PLEKHG4B: variants seen among roughly 807,000 people sequenced by gnomAD.
The protein encoded by PLEKHG4B is pleckstrin homology domain-containing family G member 4B.
PLEKHG4B carries 111 observed loss-of-function variants against 121.3 expected under a neutral mutation model. The ratio of observed to expected loss-of-function variants is 0.92; its 90% CI spans 0.78 to 1.07. PLEKHG4B has a LOEUF of 1.07. PLEKHG4B is among the 50% of genes least tolerant of loss of function. PLEKHG4B has a pLI of 0.00. For missense variants in PLEKHG4B, 1,831 were observed against 1,757.8 expected, an observed-to-expected ratio of 1.04 and a Z score of -0.74; for synonymous variants, 738 against 725.0, an observed-to-expected ratio of 1.02 and a Z score of -0.29.
chr5:175,649 G>A (rs1385744009), intron 18 of PLEKHG4B, among the ~76,000 whole-genome samples: 5 of 82,294 alleles, frequency 6.1e-5, no homozygotes, highest in Non-Finnish European at 9.6e-5. Context: ...GCTCCTGCAC[G>A]GCTGCACCCC....
At chr5:158,239 TC>T (rs1364738737) in intron 11 of PLEKHG4B, among the ~76,000 whole-genome samples, 1 of 60,116 alleles carries the variant, frequency 1.7e-5, no homozygotes, top group African/African-American at 6.6e-5. Flanking sequence ...CTTCCCCTCC[TC>T]CCCCTGCCCA....
rs1480212272 is a variant in PLEKHG4B at position 92,194 on chromosome 5, C to T, written c.-38C>T. On this transcript the variant is annotated 5_prime_UTR_variant, in exon 1 of 20. Transcript: ENST00000637938. The stretch of plus-strand genomic sequence containing the variant: ...GTGCACAGCGGGACCAGGCAGAGTT[C>T]GGGGAAAGCGTCGGAGTTCGGGAGA... The T allele has an allele frequency of 2.5e-5, 9 of 364,758 alleles. No individual in the cohort carries two copies. The highest frequency in any genetic ancestry group is 4.4e-5 in the Non-Finnish European group (9 of 205,614). The allele number at this position is 364,758 out of a possible 1,614,324, so 22.6% of individuals were successfully genotyped here. A position where few individuals can be genotyped will look rare whatever the true frequency, so the allele number is the denominator to read the frequency against.
In PLEKHG4B at chr5:96,499, AAAG is replaced by A. The variant is rs1337467895; in HGVS notation, c.45+4227_45+4229del. On this transcript the variant is annotated intron_variant, in intron 1 of 19. Transcript: ENST00000637938. ...TAGCAAAACAATCATGTAATATTTT[AAAG>A]AAGTGTTTTGTAGAAGTGCCCAAAT... Among the ~76,000 whole-genome samples the A allele has an allele frequency of 9.8e-5, 15 of 152,382 alleles. No homozygotes were observed. The East Asian group carries it at 2.9e-3, about 29-fold the overall frequency.
Position 140,696 on chromosome 5 carries a change from C to G in PLEKHG4B, c.1457C>G (p.Pro486Arg). 6.3e-7 allele frequency: 1 copy of G among 1,578,436 alleles called. No homozygotes were observed. The highest frequency in any genetic ancestry group is 8.6e-7 in the Non-Finnish European group (1 of 1,162,472). Reference protein sequence around the residue: ...GTPNCVPVEGPGCTKEEDVLA... With the variant: ...GTPNCVPVEGRGCTKEEDVLA... Reference sequence around the variant, plus strand: ...CCAAACTGTGTCCCAGTAGAGGGTCCCGGCTGCACCAAAGAGGAAGGTAAA... The same window carrying G: ...CCAAACTGTGTCCCAGTAGAGGGTCGCGGCTGCACCAAAGAGGAAGGTAAA... The change falls in exon 3 of 20, where the codon CCC (proline) becomes CGC (arginine). Residue 486 changes from proline to arginine, a missense_variant. Coordinates refer to ENST00000637938, the MANE Select transcript of PLEKHG4B (RefSeq NM_052909.5).
chr5:154,871 G>A lies in PLEKHG4B; in HGVS notation c.1993-4G>A, dbSNP rs749784860. ...CATGACCAACGAGTGCCTCTTCTTG[G>A]CAGTGTGAGGTCGTGAGCTCCCTGA... On this transcript the variant is annotated splice_region_variant and splice_polypyrimidine_tract_variant and intron_variant, in intron 7 of 19. Transcript: ENST00000637938. 1 of 1,612,286 alleles carries A rather than the reference G, an allele frequency of 6.2e-7. No individual in the cohort carries two copies. Among genetic ancestry groups the A allele is most frequent in the Non-Finnish European group, 8.5e-7 (1 of 1,178,756 alleles).
In PLEKHG4B at chr5:163,173, G is replaced by A. The variant is rs1736096605; in HGVS notation, c.3101G>A (p.Trp1034Ter). 1.3e-6 allele frequency: 2 copies of A among 1,571,916 alleles called. No individual in the cohort carries two copies. Among genetic ancestry groups the A allele is most frequent in the African/African-American group, 1.4e-5 (1 of 73,808 alleles). The part of the protein sequence containing the change: ...ETLRPGLCAL[W>*]DPLSLLRGLP... ...CTGCGCCCAGGGCTGTGTGCTCTGT[G>A]GGACCCACTGTCCCTCCTCAGGGGC... Residue 1034 changes from tryptophan (W) to a stop codon, truncating the protein, a stop_gained, in exon 13 of 20, where the codon TGG becomes TAG. Transcript: ENST00000637938. LOFTEE classifies it high-confidence loss of function.
intron 1 of PLEKHG4B, among the ~76,000 whole-genome samples, chr5:104,014 G>A (rs553833456): frequency 1.3e-4 from 19 of 144,138 alleles, no homozygotes; most frequent in Admixed American, 3.4e-4. Flanking sequence ...TCCCAGCACC[G>A]ATATTCCTAA....
chr5:114,725 C>G (rs556581181), intron 2 of PLEKHG4B, among the ~76,000 whole-genome samples: 1 of 152,278 alleles, frequency 6.6e-6, no homozygotes, highest in South Asian at 2.1e-4. Flanking sequence ...CCAACAGATT[C>G]CATCTTAATA....
intron 1 of PLEKHG4B, among the ~76,000 whole-genome samples, chr5:98,603 T>TTGTG (rs35724214): frequency 0.063 from 6,986 of 111,472 alleles, 372 homozygotes; most frequent in African/African-American, 0.13. Context: ...CCTGGCTAAT[T>TTGTG]TGTGTGTGTG....
At chr5:105,434 G>A (rs997940606) in intron 1 of PLEKHG4B, among the ~76,000 whole-genome samples, 20 of 152,298 alleles carry the variant, frequency 1.3e-4, no homozygotes, top group African/African-American at 4.1e-4. Flanking sequence ...GATGATTTAC[G>A]TGGAATCTGC....
rs375290528 is a variant in PLEKHG4B at position 124,366 on chromosome 5, A to AGT, written c.243+10921_243+10922dup. ...GCAGAATAATGACACTGCTGGCTAG[A>AGT]GTGTTCTGCATATGTCTGTTAGATG... is the stretch of plus-strand genomic sequence containing the variant. On this transcript the variant is annotated intron_variant, in intron 2 of 19. Coordinates refer to ENST00000637938, the MANE Select transcript of PLEKHG4B (RefSeq NM_052909.5). Among the ~76,000 whole-genome samples the AGT allele has an allele frequency of 2.1e-3, 327 of 152,316 alleles. 2 individuals are homozygous for AGT. The highest frequency in any genetic ancestry group is 7.3e-3 in the African/African-American group (305 of 41,576).
At chr5:155,539 A>T in intron 9 of PLEKHG4B, 96 bp downstream of exon 9, 1 of 934,744 alleles carries the variant, frequency 1.1e-6, no homozygotes, top group South Asian at 1.3e-5. Flanking sequence ...TTGGTTCACT[A>T]TCATCTGTAG....
In PLEKHG4B at chr5:181,992, G is replaced by T. The variant is rs763647375; in HGVS notation, c.4565-12G>T. On this transcript the variant is annotated splice_polypyrimidine_tract_variant and intron_variant, in intron 19 of 19. Transcript: ENST00000637938. ...CGGAAGCCAGCCTGACGTGCTTTCT[G>T]TCCCTTTCCAGAGTCACAAATGAGA... is the stretch of plus-strand genomic sequence containing the variant. 3 of 1,611,668 alleles carry T rather than the reference G, an allele frequency of 1.9e-6. No individual in the cohort carries two copies. The highest frequency in any genetic ancestry group is 1.7e-5 in the Admixed American group (1 of 60,010).
At chr5:168,466 ACCT>A (rs1736424707) in intron 13 of PLEKHG4B, among the ~76,000 whole-genome samples, 1 of 151,234 alleles carries the variant, frequency 6.6e-6, no homozygotes. Context: ...CCTCGAGAAA[ACCT>A]CCTGGTCAGT....
In PLEKHG4B at chr5:171,057, G is replaced by A. The variant is rs766000922; in HGVS notation, c.3744G>A (p.Gly1248=). ...TGCTTTTCCAGGAAGAGCAGTTTGG[G>A]ATGTACGTGATCTACAGCAAAAACA... ...RSFLRHEEQF[G]MYVIYSKNKP... is the part of the protein sequence containing the mutation. Residue 1248 remains glycine, a synonymous_variant, in exon 15 of 20, where the codon GGG becomes GGA. Transcript: ENST00000637938. 5.6e-6 allele frequency: 9 copies of A among 1,612,468 alleles called. No individual in the cohort carries two copies.
At chr5:133,002 A>G (rs1734822550) in intron 2 of PLEKHG4B, among the ~76,000 whole-genome samples, 1 of 152,138 alleles carries the variant, frequency 6.6e-6, no homozygotes, top group South Asian at 2.1e-4. Context: ...ATTTCACAGT[A>G]TTGATTCTAC....
intron 13 of PLEKHG4B, among the ~76,000 whole-genome samples, chr5:168,539 TAGC>T (rs1330449354): frequency 6.6e-6 from 1 of 152,110 alleles, no homozygotes; most frequent in Non-Finnish European, 1.5e-5. Flanking sequence ...CAGCCTTCCT[TAGC>T]AGAAGCGTCA....
At position 182,425 on chromosome 5, in the gene PLEKHG4B, C is replaced by A. The variant is rs1733445258; in HGVS notation, c.*102C>A. On this transcript the variant is annotated 3_prime_UTR_variant, in exon 20 of 20. Transcript: ENST00000637938. ...GGGGGTGGCGGTGCCCATCGCGTGG[C>A]TGGAACGATCCAGAGGGAATAGCAC... The A allele has an allele frequency of 8.3e-7, 1 of 1,210,514 alleles. No homozygotes were observed. The highest frequency in any genetic ancestry group is 1.1e-6 in the Non-Finnish European group (1 of 874,452). The allele number at this position is 1,210,514 out of a possible 1,614,324, so 75.0% of individuals were successfully genotyped here. A position where few individuals can be genotyped will look rare whatever the true frequency, so the allele number is the denominator to read the frequency against.
intron 1 of PLEKHG4B, among the ~76,000 whole-genome samples, chr5:93,630 A>G (rs1441494008): frequency 2.0e-5 from 3 of 152,230 alleles, no homozygotes; most frequent in Admixed American, 2.0e-4. Flanking sequence ...CCAGGGTGTC[A>G]GGTCCCCTGT....
Sources: gnomAD v4.1 joint callset for allele counts (sites outside exome capture counted in the v4.1 genomes callset) on GRCh38, gnomAD v4.1.1 for gene constraint, MANE v1.5 for transcripts, NCBI Gene and HGNC (gene_info 2026-07-23, HGNC 2026-07-21) for gene names.